The following SRPX variants were observed in gnomAD, a reference collection of about 807,000 sequenced individuals.
SRPX encodes the protein sushi repeat-containing protein SRPX.
A neutral mutation model predicts 38.1 loss-of-function variants in SRPX; 24 were observed. That is an observed-to-expected ratio of 0.63 (90% CI 0.46 to 0.89). The LOEUF (loss-of-function observed/expected upper bound fraction) is 0.89, where lower values mean the gene tolerates loss of function less well. Ranked by LOEUF, SRPX falls within the 40% of genes least tolerant of loss-of-function variation. The pLI, the probability that SRPX is intolerant of heterozygous loss-of-function variation, is 0.00. For synonymous variants in SRPX, 184 were observed against 153.8 expected (o/e 1.20, Z -1.45); for missense variants, 416 against 377.8 (o/e 1.10, Z -0.84).
chrX:38,187,533 T>C (rs921515341), intron 1 of SRPX, among the ~76,000 whole-genome samples: 4 of 112,619 alleles, frequency 3.6e-5, no homozygotes, highest in African/African-American at 1.3e-4. Context: ...GACATTACCA[T>C]AGTTTACACT....
At chrX:38,208,604 G>A (rs1324759792) in intron 1 of SRPX, among the ~76,000 whole-genome samples, 1 of 111,710 alleles carries the variant, frequency 9.0e-6, no homozygotes, top group African/African-American at 3.3e-5. Flanking sequence ...ATGGAATCAA[G>A]AGGAAAATGA....
Position 38,220,722 on chromosome X carries a change from C to CGCAGCAGCAGCAGCAGCAGAGGCGGCA in SRPX, c.70_71insTGCCGCCTCTGCTGCTGCTGCTGCTGC (p.Leu23_Arg24insLeuProProLeuLeuLeuLeuLeuLeu), listed in dbSNP as rs1555954434. ...TGGGAAGCTGCGGCTGGGCGGGACG[C>CGCAGCAGCAGCAGCAGCAGAGGCGGCA]GCAGCAGCAGCAGCAGCAGCAGAGG... On this transcript the variant is annotated inframe_insertion, in exon 1 of 10. Transcript: ENST00000378533. 85 of 1,152,884 alleles carry CGCAGCAGCAGCAGCAGCAGAGGCGGCA rather than the reference C, an allele frequency of 7.4e-5. No individual in the cohort carries two copies. Among genetic ancestry groups the CGCAGCAGCAGCAGCAGCAGAGGCGGCA allele is most frequent in the Admixed American group, 3.5e-4 (14 of 40,113 alleles).
chrX:38,207,794 T>A (rs2147125230), intron 1 of SRPX, among the ~76,000 whole-genome samples: 2 of 112,142 alleles, frequency 1.8e-5, no homozygotes, highest in South Asian at 3.7e-4. Context: ...TCCTTTACAA[T>A]TTGGTTCAGA....
chrX:38,160,141 G>T lies in SRPX; in HGVS notation c.831C>A (p.Ser277Arg), dbSNP rs377733865. ...AGGTGGCTCCATAATTATCACCGTC[G>T]CTGGAGCACTTCATGTAACCATTCT... ...APENGYMKCS[S>R]DGDNYGATCE... Residue 277 changes from serine (S) to arginine (R), a missense_variant, in exon 7 of 10, where the codon AGC (serine) becomes AGA (arginine). Physicochemically the swap from Ser to Arg is moderately radical, Grantham distance 110. Coordinates refer to ENST00000378533, the MANE Select transcript of SRPX (RefSeq NM_006307.5). 1.7e-6 allele frequency: 2 copies of T among 1,210,370 alleles called. No individual in the cohort carries two copies. Among genetic ancestry groups the T allele is most frequent in the Middle Eastern group, 2.3e-4 (1 of 4,373 alleles).
intron 9 of SRPX, among the ~76,000 whole-genome samples, chrX:38,151,285 C>T (rs1938008029): frequency 8.9e-6 from 1 of 111,756 alleles, no homozygotes; most frequent in African/African-American, 3.3e-5. Context: ...GAGTTCTGAA[C>T]ACGCGAATGT....
chrX:38,159,012 TAA>T (rs1436861359), intron 7 of SRPX, among the ~76,000 whole-genome samples: 3 of 111,120 alleles, frequency 2.7e-5, no homozygotes, highest in Non-Finnish European at 5.7e-5. Flanking sequence ...ATAAAAAATA[TAA>T]AGAGATAGGT....
intron 1 of SRPX, among the ~76,000 whole-genome samples, chrX:38,216,485 G>A (rs191829302): frequency 1.8e-5 from 2 of 112,591 alleles, no homozygotes; most frequent in East Asian, 5.6e-4. Flanking sequence ...AGAGATTCAG[G>A]CTTAAAAGAC....
chrX:38,198,221 C>G (rs1939034289), intron 1 of SRPX, among the ~76,000 whole-genome samples: 1 of 111,656 alleles, frequency 9.0e-6, no homozygotes. Context: ...GATGAATGCT[C>G]ACAAAAGATC....
intron 4 of SRPX, 78 bp downstream of exon 4, chrX:38,171,803 C>G: frequency 9.6e-7 from 1 of 1,042,194 alleles, no homozygotes; most frequent in Non-Finnish European, 1.3e-6. Flanking sequence ...TAGTGATGCT[C>G]CCTTTACAAT....
intron 1 of SRPX, among the ~76,000 whole-genome samples, chrX:38,185,187 A>G (rs1262723797): frequency 8.9e-6 from 1 of 112,145 alleles, no homozygotes; most frequent in African/African-American, 3.2e-5. Flanking sequence ...TGGAGAAAAA[A>G]GAGAAAAATC....
chrX:38,177,723 T>C (rs2147098844), intron 2 of SRPX, among the ~76,000 whole-genome samples: 1 of 111,839 alleles, frequency 8.9e-6, no homozygotes, highest in African/African-American at 3.2e-5. Flanking sequence ...GGTTCTTGTT[T>C]AGGCTTTTTA....
chrX:38,192,219 A>G (rs1233315742), intron 1 of SRPX, among the ~76,000 whole-genome samples: 2 of 111,806 alleles, frequency 1.8e-5, no homozygotes, highest in African/African-American at 3.3e-5. Flanking sequence ...AGCATCCCCA[A>G]AGTGCATTTA....
intron 4 of SRPX, among the ~76,000 whole-genome samples, chrX:38,169,970 A>G (rs1316872224): frequency 8.9e-6 from 1 of 112,495 alleles, no homozygotes. Flanking sequence ...GGCTCTTCAA[A>G]GACTTTTTAC....
chrX:38,196,776 C>G (rs1939006631), intron 1 of SRPX, among the ~76,000 whole-genome samples: 1 of 112,231 alleles, frequency 8.9e-6, no homozygotes. Context: ...CAGGTTACTT[C>G]TGGGGGCAAC....
chrX:38,155,373 GTA>G (rs756362058), intron 8 of SRPX, among the ~76,000 whole-genome samples: 5 of 112,348 alleles, frequency 4.5e-5, no homozygotes, highest in African/African-American at 1.6e-4. Flanking sequence ...GCAAATGTAA[GTA>G]TATTTGGAGG....
At chrX:38,208,869 T>A (rs1305496206) in intron 1 of SRPX, among the ~76,000 whole-genome samples, 2 of 100,144 alleles carry the variant, frequency 2.0e-5, no homozygotes, top group East Asian at 6.0e-4. Flanking sequence ...TTTTTTTTTT[T>A]AGAGATAGGG....
intron 1 of SRPX, among the ~76,000 whole-genome samples, chrX:38,217,889 T>C (rs1357534314): frequency 3.6e-5 from 4 of 112,061 alleles, no homozygotes; most frequent in Non-Finnish European, 7.5e-5. Flanking sequence ...GTACTGAAAG[T>C]GTTATCAATG....
chrX:38,166,173 G>C (rs1938360877), intron 4 of SRPX, among the ~76,000 whole-genome samples: 1 of 112,424 alleles, frequency 8.9e-6, no homozygotes, highest in Non-Finnish European at 1.9e-5. Flanking sequence ...TTTTGATTCT[G>C]AATGACAGAT....
intron 1 of SRPX, among the ~76,000 whole-genome samples, chrX:38,201,690 G>GAA (rs1939115136): frequency 9.0e-6 from 1 of 110,998 alleles, no homozygotes; most frequent in Non-Finnish European, 1.9e-5. Flanking sequence ...GCGGTGGTGG[G>GAA]TGCCTATAGT....
Sources: allele counts gnomAD v4.1 joint callset (sites outside exome capture counted in the v4.1 genomes callset), GRCh38; gene constraint gnomAD v4.1.1; transcripts MANE v1.5; gene names NCBI Gene and HGNC (gene_info 2026-07-23, HGNC 2026-07-21).